MPZ: variants seen among roughly 807,000 people sequenced by gnomAD.
MPZ encodes the protein myelin protein zero.
In MPZ, 13 loss-of-function variants were observed where a neutral mutation model predicts 27.9. The observed-to-expected ratio is 0.47, with a 90% confidence interval of 0.30 to 0.74. The LOEUF is 0.74. MPZ is among the 30% of genes least tolerant of loss of function. The pLI is 0.06. For synonymous variants in MPZ, 118 were observed against 128.9 expected (o/e 0.92, Z 0.57); for missense variants, 256 against 317.5 (o/e 0.81, Z 1.47).
In MPZ at chr1:161,305,704, C is replaced by T; in HGVS notation, c.*172G>A. ...GGCGATCACTTGTCCGAGTTCAGGC[C>T]CATCATGTTCTTGAGGGCGTTTTTG... On this transcript the variant is annotated 3_prime_UTR_variant, in exon 6 of 6. Coordinates refer to ENST00000533357, the MANE Select transcript of MPZ (RefSeq NM_000530.8). The T allele has an allele frequency of 1.7e-6, 1 of 604,508 alleles. No individual in the cohort carries two copies. Among genetic ancestry groups the T allele is most frequent in the East Asian group, 2.8e-5 (1 of 36,324 alleles). The allele number at this position is 604,508 out of a possible 1,614,324, so 37.4% of individuals were successfully genotyped here. A position where few individuals can be genotyped will look rare whatever the true frequency, so the allele number is the denominator to read the frequency against.
Position 161,306,161 on chromosome 1 carries a change from C to G in MPZ, c.592G>C (p.Glu198Gln), listed in dbSNP as rs770994564. 3 of 1,614,230 alleles carry G rather than the reference C, an allele frequency of 1.9e-6. No individual in the cohort carries two copies. The highest frequency in any genetic ancestry group is 1.3e-5 in the African/African-American group (1 of 75,056). Residue 198 changes from glutamate to glutamine, a missense_variant, in exon 5 of 6, where the codon GAG becomes CAG. Glu to Gln is a conservative substitution (Grantham distance 29). Coordinates refer to ENST00000533357, the MANE Select transcript of MPZ (RefSeq NM_000530.8). ...AALQRRLSAMEKGKLHKPGKD... is the reference protein window; with the variant it reads ...AALQRRLSAMQKGKLHKPGKD... ...CCTGGCTTGTGCAATTTCCCCTTCT[C>G]CATAGCACTGCAAGAAGAGAGACTG...
Position 161,306,921 on chromosome 1 carries a change from T to C in MPZ, c.235A>G (p.Ile79Val). The C allele has an allele frequency of 6.2e-7, 1 of 1,606,784 alleles. No homozygotes were observed. The highest frequency in any genetic ancestry group is 8.5e-7 in the Non-Finnish European group (1 of 1,177,498). ...GGTTGTCCCTTGGCATAGTGGAAGA[T>C]CTATGAGGAATGAGGGGAAGCATGT... ...QPEGGRDAIS[I>V]FHYAKGQPYI... Residue 79 changes from isoleucine (I) to valine (V), a missense_variant and splice_region_variant, in exon 3 of 6, where the codon ATC becomes GTC. Coordinates refer to ENST00000533357, the MANE Select transcript of MPZ (RefSeq NM_000530.8).
rs760905323 is a variant in MPZ, at chr1:161,305,839, C to T, written c.*37G>A. On this transcript the variant is annotated 3_prime_UTR_variant, in exon 6 of 6. Transcript: ENST00000533357. ...ACCTTTGGGCCTTTGGCGGACTCCA[C>T]CCCTAACCCCCGATCCCCCGCCCGG... 1 of 1,483,082 alleles carries T rather than the reference C, an allele frequency of 6.7e-7. No homozygotes were observed. Among genetic ancestry groups the T allele is most frequent in the South Asian group, 1.2e-5 (1 of 85,700 alleles). 91.9% of individuals were successfully genotyped at this position (1,483,082 alleles called of 1,614,324 possible).
At position 161,306,180 on chromosome 1, in the gene MPZ, G is replaced by C. The variant is rs375616364; in HGVS notation, c.585-12C>G. ...CCTTCTCCATAGCACTGCAAGAAGAGAGACTGCTGTACGTTTGGCCTCGCC... is the reference window on the plus strand; with the variant it reads ...CCTTCTCCATAGCACTGCAAGAAGACAGACTGCTGTACGTTTGGCCTCGCC... On this transcript the variant is annotated splice_polypyrimidine_tract_variant and intron_variant, in intron 4 of 5. Coordinates refer to ENST00000533357, the MANE Select transcript of MPZ (RefSeq NM_000530.8). 8.7e-6 allele frequency: 14 copies of C among 1,614,062 alleles called. No individual in the cohort carries two copies. In the Admixed American group the frequency reaches 1.2e-4, roughly 13 times the overall value.
At chr1:161,304,393 A>G (rs2102255074), downstream of MPZ, among the ~76,000 whole-genome samples, 1 of 152,330 alleles carries the variant, frequency 6.6e-6, no homozygotes, top group South Asian at 2.1e-4. Context: ...ACAAGTACAT[A>G]AACAAGCTTA....
rs1465475779 is a variant in MPZ at position 161,305,472 on chromosome 1, G to A, written c.*404C>T. 2 of 215,642 alleles carry A rather than the reference G, an allele frequency of 9.3e-6. No homozygotes were observed. The highest frequency in any genetic ancestry group is 1.9e-5 in the Non-Finnish European group (2 of 105,596). The allele number at this position is 215,642 out of a possible 1,614,324, so 13.4% of individuals were successfully genotyped here. A position where few individuals can be genotyped will look rare whatever the true frequency, so the allele number is the denominator to read the frequency against. On this transcript the variant is annotated 3_prime_UTR_variant, in exon 6 of 6. Transcript: ENST00000533357. ...CACACAGCCCCCGGGGCAGGTGAGG[G>A]GTAGGATTAGCTCCTGGGCTCCCAG... is the stretch of plus-strand genomic sequence containing the variant.
At chr1:161,309,552 A>ATTTTTTTTTTTTTTT (rs1215409194) in intron 1 of MPZ, among the ~76,000 whole-genome samples, 29 of 80,628 alleles carry the variant, frequency 3.6e-4, no homozygotes, top group African/African-American at 1.3e-3. Flanking sequence ...ATATATATAT[A>ATTTTTTTTTTTTTTT]TTTTTTTTTT....
chr1:161,306,442 A>G lies in MPZ; in HGVS notation c.471T>C (p.Val157=). The change falls in exon 4 of 6, where the codon GTT becomes GTC. Residue 157 remains valine (V), a synonymous_variant. Transcript: ENST00000533357. ...GGACACCCCCGATCACAGCTCCCAGAACGACCCCGTACCTAGTTGGCACTA... is the reference window on the plus strand; with the variant it reads ...GGACACCCCCGATCACAGCTCCCAGGACGACCCCGTACCTAGTTGGCACTA... ...FEKVPTRYGV[V]LGAVIGGVLG... The G allele has an allele frequency of 6.2e-7, 1 of 1,614,182 alleles. No homozygotes were observed. The highest frequency in any genetic ancestry group is 1.1e-5 in the South Asian group (1 of 91,084).
At chr1:161,307,721 G>A (rs1038878439) in intron 1 of MPZ, among the ~76,000 whole-genome samples, 24 of 152,164 alleles carry the variant, frequency 1.6e-4, no homozygotes, top group African/African-American at 5.8e-4. Context: ...CTTTGGGTCA[G>A]TATCTAACTT....
chr1:161,304,414 G>A (rs935377197), downstream of MPZ, among the ~76,000 whole-genome samples: 2 of 152,174 alleles, frequency 1.3e-5, no homozygotes, highest in African/African-American at 4.8e-5. Context: ...CCAAAGTCAG[G>A]TAACTGTCCT....
At position 161,306,176 on chromosome 1, in the gene MPZ, A is replaced by T; in HGVS notation, c.585-8T>A. ...TTCCCCTTCTCCATAGCACTGCAAG[A>T]AGAGAGACTGCTGTACGTTTGGCCT... On this transcript the variant is annotated splice_region_variant and splice_polypyrimidine_tract_variant and intron_variant, in intron 4 of 5. Coordinates refer to ENST00000533357, the MANE Select transcript of MPZ (RefSeq NM_000530.8). 4 of 1,614,184 alleles carry T rather than the reference A, an allele frequency of 2.5e-6. No homozygotes were observed. Among genetic ancestry groups the T allele is most frequent in the Non-Finnish European group, 3.4e-6 (4 of 1,180,022 alleles).
In MPZ at chr1:161,305,715, T is replaced by C; in HGVS notation, c.*161A>G. 6.5e-6 allele frequency: 4 copies of C among 613,240 alleles called. No individual in the cohort carries two copies. The highest frequency in any genetic ancestry group is 1.2e-5 in the Non-Finnish European group (4 of 346,018). 38.0% of individuals were successfully genotyped at this position (613,240 alleles called of 1,614,324 possible). ...GTCCGAGTTCAGGCCCATCATGTTC[T>C]TGAGGGCGTTTTTGAGGCTGGTTCT... On this transcript the variant is annotated 3_prime_UTR_variant, in exon 6 of 6. Coordinates refer to ENST00000533357, the MANE Select transcript of MPZ (RefSeq NM_000530.8).
downstream of MPZ, among the ~76,000 whole-genome samples, chr1:161,303,940 A>G (rs1375807395): frequency 6.6e-6 from 1 of 152,202 alleles, no homozygotes; most frequent in Non-Finnish European, 1.5e-5. Flanking sequence ...TGTTAATCAT[A>G]TCTTTAGCTT....
chr1:161,309,445 C>T lies in MPZ; in HGVS notation c.67+394G>A, dbSNP rs1008962431. Among the ~76,000 whole-genome samples, 5 of 151,518 alleles carry T rather than the reference C, an allele frequency of 3.3e-5. No homozygotes were observed. The East Asian group carries it at 9.6e-4, about 29-fold the overall frequency. On this transcript the variant is annotated intron_variant, in intron 1 of 5. Transcript: ENST00000533357. The stretch of plus-strand genomic sequence containing the variant: ...CCAACCTGGGTCCAGCCATGGCCAC[C>T]ACTCAGGGAAGCTTGCTACACTCTC...
At chr1:161,307,922 A>G (rs1001783355) in intron 1 of MPZ, among the ~76,000 whole-genome samples, 10 of 152,358 alleles carry the variant, frequency 6.6e-5, no homozygotes, top group Admixed American at 5.2e-4. Context: ...TCCATTTAAT[A>G]TGAATCAAAC....
At chr1:161,307,546 A>G in intron 1 of MPZ, 122 bp from the exon 2 acceptor site, 3 of 1,093,698 alleles carry the variant, frequency 2.7e-6, no homozygotes, top group South Asian at 1.4e-5. Context: ...GAAAAGAAAC[A>G]ACAAATTCTG....
intron 1 of MPZ, 120 bp from the exon 2 acceptor site, chr1:161,307,544 A>G: frequency 8.8e-7 from 1 of 1,131,570 alleles, no homozygotes; most frequent in Non-Finnish European, 1.3e-6. Flanking sequence ...TGGAAAAGAA[A>G]CAACAAATTC....
At chr1:161,307,211 T>C (rs1670281285) in intron 2 of MPZ, 47 bp downstream of exon 2, 1 of 1,612,380 alleles carries the variant, frequency 6.2e-7, no homozygotes, top group East Asian at 2.2e-5. Context: ...TGTTGTTCTT[T>C]GAAGCACTTT....
At chr1:161,306,303 G>A (rs778967166) in intron 4 of MPZ, 26 bp downstream of exon 4, 6 of 1,614,086 alleles carry the variant, frequency 3.7e-6, no homozygotes, top group Non-Finnish European at 5.1e-6. Context: ...GGGAGAGGGG[G>A]AGGGGAGCTA....
Sources: gnomAD v4.1 joint callset for allele counts (sites outside exome capture counted in the v4.1 genomes callset) on GRCh38, gnomAD v4.1.1 for gene constraint, MANE v1.5 for transcripts, NCBI Gene and HGNC (gene_info 2026-07-23, HGNC 2026-07-21) for gene names.